Variants in OTUD7A observed in about 807,000 individuals in gnomAD.
The protein encoded by OTUD7A is OTU domain-containing protein 7A.
OTUD7A carries 12 observed loss-of-function variants against 65.7 expected under a neutral mutation model. The ratio of observed to expected loss-of-function variants is 0.18; its 90% confidence interval spans 0.12 to 0.30. The LOEUF is 0.30. Ranked by LOEUF, OTUD7A falls within the 10% of genes least tolerant of loss-of-function variation. The pLI is 1.00. For missense variants in OTUD7A, 1,148 were observed against 1,304.8 expected (o/e 0.88, Z 1.85); for synonymous variants, 641 against 586.3 (o/e 1.09, Z -1.35).
chr15:31,661,474 T>G (rs1334627544), intron 1 of OTUD7A, among the ~76,000 whole-genome samples: 1 of 152,172 alleles, frequency 6.6e-6, no homozygotes, highest in African/African-American at 2.4e-5. Context: ...TTAAAAATAT[T>G]TTTCTAATAA....
At chr15:31,768,614 G>A (rs1445659265) in intron 1 of OTUD7A, among the ~76,000 whole-genome samples, 2 of 151,690 alleles carry the variant, frequency 1.3e-5, no homozygotes, top group African/African-American at 2.4e-5. Flanking sequence ...AACCGAGATC[G>A]TGCCACTGCA....
intron 1 of OTUD7A, among the ~76,000 whole-genome samples, chr15:31,869,888 C>T (rs1266047407): frequency 6.6e-6 from 1 of 152,216 alleles, no homozygotes; most frequent in Non-Finnish European, 1.5e-5. Context: ...ATTTTTTCCC[C>T]TCCAGTGAGG....
rs1261083816 is a variant in OTUD7A at position 31,483,460 on chromosome 15, G to C, written c.2636C>G (p.Ala879Gly). Residue 879 changes from alanine (A) to glycine (G), a missense_variant, in exon 13 of 13, where the codon GCG becomes GGG. By Grantham distance (60) the Ala-to-Gly change is moderately conservative. Transcript: ENST00000307050. Reference protein sequence around the residue: ...LEFADADAPTARSNGECGRGG... With the variant: ...LEFADADAPTGRSNGECGRGG... ...ACGGCCGCACTCACCGTTCGAGCGC[G>C]CGGTCGGCGCGTCGGCGTCGGCGAA... 2.2e-6 allele frequency: 3 copies of C among 1,380,388 alleles called. No homozygotes were observed. Among genetic ancestry groups the C allele is most frequent in the Non-Finnish European group, 2.8e-6 (3 of 1,067,072 alleles). 85.5% of individuals were successfully genotyped at this position (1,380,388 alleles called of 1,614,324 possible).
In OTUD7A at chr15:31,834,659, C is replaced by T. The variant is rs569761424; in HGVS notation, c.-100+35848G>A. ...TGTATGTATTCTTTAGGCCAATTGT[C>T]GAATCCAAGCACTATACATGACTCA... On this transcript the variant is annotated intron_variant, in intron 1 of 12. Coordinates refer to ENST00000307050, the MANE Select transcript of OTUD7A (RefSeq NM_001382637.1). Among the ~76,000 whole-genome samples the T allele has an allele frequency of 5.3e-5, 8 of 152,226 alleles. No homozygotes were observed. The South Asian group carries it at 1.0e-3, about 20-fold the overall frequency.
chr15:31,633,129 T>C (rs1206968358), intron 3 of OTUD7A, among the ~76,000 whole-genome samples: 1 of 152,182 alleles, frequency 6.6e-6, no homozygotes, highest in African/African-American at 2.4e-5. Context: ...GCACCCACTG[T>C]CCTGCACCCA....
chr15:31,489,806 T>C (rs760558959), intron 10 of OTUD7A, among the ~76,000 whole-genome samples: 10 of 152,208 alleles, frequency 6.6e-5, no homozygotes, highest in Non-Finnish European at 1.3e-4. Flanking sequence ...TGGGGACTCC[T>C]CCCCTCAACA....
At chr15:31,646,710 T>C (rs141343964) in intron 3 of OTUD7A, among the ~76,000 whole-genome samples, 2,773 of 152,192 alleles carry the variant, frequency 0.018, 41 homozygotes, top group Middle Eastern at 0.031. Context: ...CTGCCCGCCT[T>C]GGCCTCCCGA....
intron 10 of OTUD7A, among the ~76,000 whole-genome samples, chr15:31,499,394 C>T (rs1181407413): frequency 6.6e-6 from 1 of 152,204 alleles, no homozygotes; most frequent in Admixed American, 6.5e-5. Flanking sequence ...TCTGGAGTCT[C>T]CCATCTCCTG....
chr15:31,744,842 A>G (rs754805167), intron 1 of OTUD7A, among the ~76,000 whole-genome samples: 2 of 152,136 alleles, frequency 1.3e-5, no homozygotes, highest in African/African-American at 2.4e-5. Context: ...CAAGGTCAAT[A>G]TGCCAAAAAC....
intron 1 of OTUD7A, among the ~76,000 whole-genome samples, chr15:31,661,086 A>G (rs1006556809): frequency 6.6e-6 from 1 of 152,246 alleles, no homozygotes; most frequent in African/African-American, 2.4e-5. Context: ...GTGCCTTTAA[A>G]ATAAAATACG....
chr15:31,767,477 T>C lies in OTUD7A; in HGVS notation c.-100+103030A>G, dbSNP rs528484596. On this transcript the variant is annotated intron_variant, in intron 1 of 12. Transcript: ENST00000307050. ...TTGCTAGGCACTTCATGGCAGATAATACCCAGTGAGGGAGGTCATCTGATT... is the reference window on the plus strand; with the variant it reads ...TTGCTAGGCACTTCATGGCAGATAACACCCAGTGAGGGAGGTCATCTGATT... The C allele has an allele frequency of 3.2e-4, 247 of 772,332 alleles. No individual in the cohort carries two copies. The African/African-American group carries it at 3.2e-3, about 10-fold the overall frequency. The allele number at this position is 772,332 out of a possible 1,614,324, so 47.8% of individuals were successfully genotyped here.
intron 5 of OTUD7A, among the ~76,000 whole-genome samples, chr15:31,540,631 A>G (rs1484058396): frequency 6.6e-6 from 1 of 152,204 alleles, no homozygotes; most frequent in Non-Finnish European, 1.5e-5. Context: ...TAATATTGGG[A>G]AAGTACTTAA....
rs1490935687 is a variant in OTUD7A, at chr15:31,483,837, C to T, written c.2259G>A (p.Gly753=). 2 of 986,456 alleles carry T rather than the reference C, an allele frequency of 2.0e-6. No homozygotes were observed. The highest frequency in any genetic ancestry group is 2.4e-6 in the Non-Finnish European group (2 of 831,882). 61.1% of individuals were successfully genotyped at this position (986,456 alleles called of 1,614,324 possible). A position where few individuals can be genotyped will look rare whatever the true frequency, so the allele number is the denominator to read the frequency against. ...RAAAGGTASP[G]GGARRASASG... ...TGGCGCTCGCACGCCGCGCGCCTCCCCCCGGGGAGGCCGTGCCGCCCGCCG... is the reference window on the plus strand; with the variant it reads ...TGGCGCTCGCACGCCGCGCGCCTCCTCCCGGGGAGGCCGTGCCGCCCGCCG... Residue 753 remains glycine (G), a synonymous_variant, in exon 13 of 13, where the codon GGG becomes GGA. Transcript: ENST00000307050.
At chr15:31,491,129 A>AT (rs1481506627) in intron 10 of OTUD7A, among the ~76,000 whole-genome samples, 2 of 143,400 alleles carry the variant, frequency 1.4e-5, no homozygotes, top group Middle Eastern at 3.5e-3. Flanking sequence ...GAAAGGAAAG[A>AT]TAAAAAAAAA....
intron 3 of OTUD7A, among the ~76,000 whole-genome samples, chr15:31,581,503 A>G (rs922440304): frequency 6.6e-6 from 1 of 152,226 alleles, no homozygotes; most frequent in Non-Finnish European, 1.5e-5. Context: ...AAACTTTTGC[A>G]TGGACACCCA....
intron 3 of OTUD7A, among the ~76,000 whole-genome samples, chr15:31,610,617 A>ATATATATATTTTTTTTTTTTTTTTT: frequency 6.5e-5 from 2 of 30,558 alleles, no homozygotes; most frequent in Non-Finnish European, 9.8e-5. Flanking sequence ...ATATATATAT[A>ATATATATATTTTTTTTTTTTTTTTT]TTTTTTTTTT....
At chr15:31,860,699 A>ATATATATATATATATATATC (rs1897714938) in intron 1 of OTUD7A, among the ~76,000 whole-genome samples, 1 of 128,864 alleles carries the variant, frequency 7.8e-6, no homozygotes, top group African/African-American at 2.9e-5. Context: ...ATATATATAT[A>ATATATATATATATATATATC]TGTATGTATA....
chr15:31,532,632 A>G (rs1259376970), intron 5 of OTUD7A, among the ~76,000 whole-genome samples: 1 of 152,148 alleles, frequency 6.6e-6, no homozygotes, highest in African/African-American at 2.4e-5. Context: ...TAGAGCTAAA[A>G]AAGTATTCGA....
At chr15:31,592,643 G>C (rs1408234202) in intron 3 of OTUD7A, among the ~76,000 whole-genome samples, 1 of 151,760 alleles carries the variant, frequency 6.6e-6, no homozygotes, top group East Asian at 1.9e-4. Flanking sequence ...CATTTTGGGA[G>C]GCTGAGGCGG....
Sources: allele counts gnomAD v4.1 joint callset (sites outside exome capture counted in the v4.1 genomes callset), GRCh38; gene constraint gnomAD v4.1.1; transcripts MANE v1.5; gene names NCBI Gene and HGNC (gene_info 2026-07-23, HGNC 2026-07-21).